The following ELMOD1 variants were observed in gnomAD, a reference collection of about 807,000 sequenced individuals.
ELMOD1 encodes ELMO domain-containing protein 1.
Under a neutral mutation model 46.7 loss-of-function variants are expected in ELMOD1, and 21 were observed. The observed-to-expected ratio is 0.45, with a 90% CI of 0.32 to 0.65. ELMOD1 has a LOEUF of 0.65. ELMOD1 is among the 30% of genes least tolerant of loss of function. The pLI, the probability that ELMOD1 is intolerant of heterozygous loss-of-function variation, is 0.04. For missense variants in ELMOD1, 348 were observed against 407.8 expected (o/e 0.85, Z 1.26); for synonymous variants, 122 against 138.2 (o/e 0.88, Z 0.82).
At chr11:107,661,086 A>G (rs1357414882) in intron 11 of ELMOD1, among the ~76,000 whole-genome samples, 1 of 152,182 alleles carries the variant, frequency 6.6e-6, no homozygotes, top group East Asian at 1.9e-4. Flanking sequence ...CTGCATTTTG[A>G]TTAAGATCAT....
intron 1 of ELMOD1, among the ~76,000 whole-genome samples, chr11:107,616,147 C>T (rs1865860003): frequency 1.3e-5 from 2 of 151,720 alleles, no homozygotes; most frequent in Admixed American, 6.6e-5. Context: ...AGGTGCCCAC[C>T]ACCACACCTG....
intron 11 of ELMOD1, among the ~76,000 whole-genome samples, chr11:107,659,295 A>G (rs538868335): frequency 6.6e-6 from 1 of 152,210 alleles, no homozygotes; most frequent in South Asian, 2.1e-4. Context: ...TTCTGTATTT[A>G]CCATGCTCAT....
intron 1 of ELMOD1, among the ~76,000 whole-genome samples, chr11:107,597,071 A>G (rs912383810): frequency 6.6e-6 from 1 of 152,176 alleles, no homozygotes; most frequent in East Asian, 1.9e-4. Flanking sequence ...AAGCCAACAT[A>G]GAAGCTGGTT....
chr11:107,635,924 G>A (rs1487806334), intron 6 of ELMOD1, among the ~76,000 whole-genome samples, 159 bp downstream of exon 6: 1 of 152,188 alleles, frequency 6.6e-6, no homozygotes, highest in East Asian at 1.9e-4. Flanking sequence ...CGCTGGTTCA[G>A]GTGTTGGAAG....
At chr11:107,606,783 C>T (rs906895236) in intron 1 of ELMOD1, among the ~76,000 whole-genome samples, 1 of 152,016 alleles carries the variant, frequency 6.6e-6, no homozygotes, top group African/African-American at 2.4e-5. Flanking sequence ...TGCACCGCTG[C>T]ACTCCAGCCT....
At chr11:107,614,546 C>T (rs549161603) in intron 1 of ELMOD1, among the ~76,000 whole-genome samples, 4 of 152,212 alleles carry the variant, frequency 2.6e-5, no homozygotes, top group Admixed American at 2.0e-4. Flanking sequence ...ACCATGTTGG[C>T]CAGGATGGTC....
intron 6 of ELMOD1, among the ~76,000 whole-genome samples, 176 bp from the exon 7 acceptor site, chr11:107,647,292 G>A (rs34853844): frequency 0.25 from 37,915 of 151,970 alleles, 4,857 homozygotes; most frequent in Middle Eastern, 0.32. Flanking sequence ...ATAATTGAAA[G>A]ATGATCACAT....
intron 2 of ELMOD1, chr11:107,620,018 T>C (rs996181011): frequency 4.6e-5 from 7 of 152,218 alleles, no homozygotes; most frequent in Admixed American, 2.0e-4. Flanking sequence ...CCTTCTTTAG[T>C]TGATTTATTT....
chr11:107,616,837 C>G (rs1051396337), intron 1 of ELMOD1, among the ~76,000 whole-genome samples: 1 of 152,198 alleles, frequency 6.6e-6, no homozygotes, highest in African/African-American at 2.4e-5. Flanking sequence ...TCACCTTGCC[C>G]TGACCCAGCT....
At position 107,650,884 on chromosome 11, in the gene ELMOD1, G is replaced by T; in HGVS notation, c.624-1G>T. Reference sequence around the variant, plus strand: ...TAATTTTTTTCTTTGATTACATGAAGGGATATCACTAAAGAAGAAATAAGG... The same window carrying T: ...TAATTTTTTTCTTTGATTACATGAATGGATATCACTAAAGAAGAAATAAGG... On this transcript the variant is annotated splice_acceptor_variant, in intron 8 of 11. Coordinates refer to ENST00000265840, the MANE Select transcript of ELMOD1 (RefSeq NM_018712.4). LOFTEE classifies it high-confidence loss of function. 1 of 1,109,542 alleles carries T rather than the reference G, an allele frequency of 9.0e-7. No individual in the cohort carries two copies. Among genetic ancestry groups the T allele is most frequent in the South Asian group, 1.7e-5 (1 of 58,370 alleles). 68.7% of individuals were successfully genotyped at this position (1,109,542 alleles called of 1,614,324 possible).
At chr11:107,641,333 ATC>A (rs1462762895) in intron 6 of ELMOD1, among the ~76,000 whole-genome samples, 1 of 147,884 alleles carries the variant, frequency 6.8e-6, no homozygotes, top group Admixed American at 6.8e-5. Context: ...ATATATATAT[ATC>A]TCTAACAGGA....
chr11:107,654,012 T>C lies in ELMOD1; in HGVS notation c.648-160T>C. On this transcript the variant is annotated intron_variant, in intron 9 of 11. Coordinates refer to ENST00000265840, the MANE Select transcript of ELMOD1 (RefSeq NM_018712.4). ...GCATGGCCTTAAATAATTCCATTTCTGACCTCCATATAAATTGTACTGTGG... is the reference window on the plus strand; with the variant it reads ...GCATGGCCTTAAATAATTCCATTTCCGACCTCCATATAAATTGTACTGTGG... 9.4e-6 allele frequency: 6 copies of C among 639,496 alleles called. No homozygotes were observed. In the South Asian group the frequency reaches 1.0e-4, roughly 11 times the overall value. 39.6% of individuals were successfully genotyped at this position (639,496 alleles called of 1,614,324 possible). A position where few individuals can be genotyped will look rare whatever the true frequency, so the allele number is the denominator to read the frequency against.
chr11:107,618,478 C>G (rs1467525050), intron 2 of ELMOD1, among the ~76,000 whole-genome samples: 1 of 152,192 alleles, frequency 6.6e-6, no homozygotes, highest in Admixed American at 6.5e-5. Flanking sequence ...TGCCATGTGT[C>G]TCTGCACAGT....
chr11:107,627,999 T>A (rs1314295034), intron 2 of ELMOD1, among the ~76,000 whole-genome samples: 1 of 152,056 alleles, frequency 6.6e-6, no homozygotes, highest in African/African-American at 2.4e-5. Flanking sequence ...TAGTATATAT[T>A]AATATGTTAA....
chr11:107,631,084 A>G (rs1866127287), intron 4 of ELMOD1, among the ~76,000 whole-genome samples: 1 of 152,176 alleles, frequency 6.6e-6, no homozygotes, highest in African/African-American at 2.4e-5. Flanking sequence ...AGATTTTTCA[A>G]TAACATCAAA....
At chr11:107,627,845 GT>G (rs1200740007) in intron 2 of ELMOD1, among the ~76,000 whole-genome samples, 4 of 152,154 alleles carry the variant, frequency 2.6e-5, no homozygotes, top group African/African-American at 9.7e-5. Flanking sequence ...TTATCTCATA[GT>G]TCTACTTTTG....
chr11:107,662,539 G>A (rs1485614353), intron 11 of ELMOD1, among the ~76,000 whole-genome samples: 1 of 151,868 alleles, frequency 6.6e-6, no homozygotes, highest in African/African-American at 2.4e-5. Flanking sequence ...GAACCCGGGA[G>A]GCAGAGGTTG....
In ELMOD1 at chr11:107,635,683, G is replaced by C. The variant is rs750774743; in HGVS notation, c.338G>C (p.Arg113Thr). The change falls in exon 6 of 12, where the codon AGG (arginine) becomes ACG (threonine). Residue 113 changes from arginine to threonine, a missense_variant. By Grantham distance (71) the Arg-to-Thr change is moderately conservative. Coordinates refer to ENST00000265840, the MANE Select transcript of ELMOD1 (RefSeq NM_018712.4). Reference sequence around the variant, plus strand: ...TGCCTTCTGCAAATCGTTGGGTACAGGAACCTTATTGCAGATGTGGAAAAA... The same window carrying C: ...TGCCTTCTGCAAATCGTTGGGTACACGAACCTTATTGCAGATGTGGAAAAA... ...QACLLQIVGY[R>T]NLIADVEKLR... The C allele has an allele frequency of 5.0e-6, 8 of 1,613,910 alleles. No homozygotes were observed. In the East Asian group the frequency reaches 6.7e-5, roughly 13 times the overall value.
chr11:107,610,064 G>A (rs147787000), intron 1 of ELMOD1, among the ~76,000 whole-genome samples: 3,150 of 152,278 alleles, frequency 0.021, 63 homozygotes, highest in Non-Finnish European at 0.034. Context: ...AGCAAGCAGT[G>A]TGTCAGGCAT....
Sources: allele counts gnomAD v4.1 joint callset (sites outside exome capture counted in the v4.1 genomes callset), GRCh38; gene constraint gnomAD v4.1.1; transcripts MANE v1.5; gene names NCBI Gene and HGNC (gene_info 2026-07-23, HGNC 2026-07-21).